The following PCDHGA9 variants were observed in gnomAD, a reference collection of about 807,000 sequenced individuals.
PCDHGA9 encodes protocadherin gamma-A9.
Under a neutral mutation model 62.5 loss-of-function variants are expected in PCDHGA9, and 37 were observed. That is an observed-to-expected ratio of 0.59 (90% CI 0.46 to 0.78). PCDHGA9 has a LOEUF of 0.78. Ranked by LOEUF, PCDHGA9 falls within the 30% of genes least tolerant of loss-of-function variation. PCDHGA9 has a pLI of 0.00. For missense variants in PCDHGA9, 1,138 were observed against 1,166.2 expected, an observed-to-expected ratio of 0.98 and a Z score of 0.35; for synonymous variants, 459 against 484.6, an observed-to-expected ratio of 0.95 and a Z score of 0.69.
intron 1 of PCDHGA9, among the ~76,000 whole-genome samples, chr5:141,430,341 C>T (rs766664177): frequency 1.4e-4 from 21 of 149,938 alleles, no homozygotes; most frequent in Non-Finnish European, 2.8e-4. Context: ...TAGAAACTTC[C>T]AATTCATTTA....
intron 1 of PCDHGA9, chr5:141,430,944 G>T: frequency 1.2e-6 from 2 of 1,609,214 alleles, no homozygotes; most frequent in Non-Finnish European, 1.7e-6. Flanking sequence ...CTCGCGGAGC[G>T]CGGAGTCCGC....
At chr5:141,435,730 T>C (rs913229799) in intron 1 of PCDHGA9, among the ~76,000 whole-genome samples, 1 of 152,226 alleles carries the variant, frequency 6.6e-6, no homozygotes, top group African/African-American at 2.4e-5. Context: ...TAAAGTGTAT[T>C]ACTCTTTGAA....
Position 141,505,409 on chromosome 5 carries a change from G to T in PCDHGA9, c.2500G>T (p.Asp834Tyr). The change falls in exon 3 of 4, where the codon GAC (aspartate) becomes TAC (tyrosine). Residue 834 changes from aspartate to tyrosine, a missense_variant. Asp to Tyr is a radical substitution (Grantham distance 160). Transcript: ENST00000573521. ...PGTSGSQNGD[D>Y]TGTWPNNQFD... Reference sequence around the variant, plus strand: ...TCTCCCCAGCTCCCAAAATGGCGATGACACCGGCACCTGGCCCAACAACCA... The same window carrying T: ...TCTCCCCAGCTCCCAAAATGGCGATTACACCGGCACCTGGCCCAACAACCA... 6.2e-7 allele frequency: 1 copy of T among 1,614,200 alleles called. No individual in the cohort carries two copies. Among genetic ancestry groups the T allele is most frequent in the Non-Finnish European group, 8.5e-7 (1 of 1,180,048 alleles).
chr5:141,419,316 G>C (rs775328616), intron 1 of PCDHGA9: 2 of 1,613,876 alleles, frequency 1.2e-6, no homozygotes, highest in African/African-American at 1.3e-5. Flanking sequence ...CTCAACGGCC[G>C]TGTCTCCTAC....
intron 1 of PCDHGA9, chr5:141,421,126 T>G: frequency 1.2e-6 from 1 of 805,588 alleles, no homozygotes; most frequent in Non-Finnish European, 1.9e-6. Context: ...CTTCGCTTTC[T>G]GATATATTTT....
In PCDHGA9 at chr5:141,403,868, A is replaced by T. The variant is rs2094463706; in HGVS notation, c.916A>T (p.Ser306Cys). Residue 306 changes from serine (S) to cysteine (C), a missense_variant, in exon 1 of 4, where the codon AGT (serine) becomes TGT (cysteine). Ser to Cys is a moderately radical substitution (Grantham distance 112). Coordinates refer to ENST00000573521, the MANE Select transcript of PCDHGA9 (RefSeq NM_018921.3). ...TACTGGGGAAATATCAACAGCAAAA[A>T]GTCTAGATTATGAAGAATGTTCATT... ...ENTGEISTAK[S>C]LDYEECSFYE... 1.2e-6 allele frequency: 2 copies of T among 1,613,752 alleles called. No homozygotes were observed. Among genetic ancestry groups the T allele is most frequent in the Non-Finnish European group, 1.7e-6 (2 of 1,179,850 alleles).
Position 141,486,494 on chromosome 5 carries a change from A to G in PCDHGA9, c.2425-8313A>G, listed in dbSNP as rs375607204. 9.3e-6 allele frequency: 15 copies of G among 1,614,058 alleles called. No individual in the cohort carries two copies. The highest frequency in any genetic ancestry group is 1.3e-5 in the Non-Finnish European group (15 of 1,179,958). ...CCCTCCTCTCAGTACCCACAGAACT[A>G]TTTTCCTCAATATTTCAGATGTGAA... On this transcript the variant is annotated intron_variant, in intron 1 of 3. Transcript: ENST00000573521. The surrounding 1 kb of genome is among the most constrained non-coding windows in gnomAD (Gnocchi z 5.0).
chr5:141,472,564 A>G (rs1471933375), intron 1 of PCDHGA9, among the ~76,000 whole-genome samples: 6 of 152,050 alleles, frequency 3.9e-5, no homozygotes, highest in Admixed American at 2.6e-4. Context: ...TATATTATAA[A>G]TGCTGCATCT....
chr5:141,409,256 C>G (rs1212394349), intron 1 of PCDHGA9: 2 of 1,613,918 alleles, frequency 1.2e-6, no homozygotes, highest in African/African-American at 2.7e-5. Context: ...CATCACTTCT[C>G]TCTCTGATCA....
At chr5:141,415,729 T>A in intron 1 of PCDHGA9, 1 of 1,442,780 alleles carries the variant, frequency 6.9e-7, no homozygotes, top group Non-Finnish European at 9.1e-7. Flanking sequence ...TAGAATTTGA[T>A]GTTTATTAAG....
chr5:141,499,682 C>T, intron 2 of PCDHGA9, among the ~76,000 whole-genome samples: 1 of 148,196 alleles, frequency 6.7e-6, no homozygotes, highest in South Asian at 2.1e-4. Flanking sequence ...CCATCTTTAA[C>T]AGATGACTTT....
At chr5:141,494,979 T>C in intron 2 of PCDHGA9, 114 bp downstream of exon 2, 1 of 1,571,464 alleles carries the variant, frequency 6.4e-7, no homozygotes, top group Admixed American at 1.8e-5. Flanking sequence ...TCCCTCAGTT[T>C]GAGATCCCAG....
chr5:141,489,713 A>G lies in PCDHGA9; in HGVS notation c.2425-5094A>G. On this transcript the variant is annotated intron_variant, in intron 1 of 3. Coordinates refer to ENST00000573521, the MANE Select transcript of PCDHGA9 (RefSeq NM_018921.3). The surrounding 1 kb of genome is among the most constrained non-coding windows in gnomAD (Gnocchi z 4.5). The stretch of plus-strand genomic sequence containing the variant: ...GCACGATTCCCACTGGACAGTGCCC[A>G]GGATCCGGATGTGGGCACCAATACT... 1.9e-6 allele frequency: 3 copies of G among 1,614,162 alleles called. No individual in the cohort carries two copies. The highest frequency in any genetic ancestry group is 2.5e-6 in the Non-Finnish European group (3 of 1,179,968).
chr5:141,435,026 C>A (rs977017371), intron 1 of PCDHGA9, among the ~76,000 whole-genome samples: 4 of 151,978 alleles, frequency 2.6e-5, no homozygotes, highest in Non-Finnish European at 5.9e-5. Context: ...GCTCTTTTCC[C>A]ACTTTTATTT....
At chr5:141,478,236 T>C (rs2099440813) in intron 1 of PCDHGA9, 3 of 1,614,156 alleles carry the variant, frequency 1.9e-6, no homozygotes, top group Non-Finnish European at 2.5e-6. Flanking sequence ...GGGTTTGTGG[T>C]CACAGTGTTC....
At chr5:141,501,326 CACACA>C (rs2099807944) in intron 2 of PCDHGA9, among the ~76,000 whole-genome samples, 1 of 151,784 alleles carries the variant, frequency 6.6e-6, no homozygotes, top group Non-Finnish European at 1.5e-5. Flanking sequence ...CACACACACA[CACACA>C]CACCCCAAAC....
At chr5:141,447,576 A>G (rs758449068) in intron 1 of PCDHGA9, among the ~76,000 whole-genome samples, 6 of 152,214 alleles carry the variant, frequency 3.9e-5, no homozygotes, top group African/African-American at 7.2e-5. Context: ...CTATGTCCAC[A>G]CATACCTTAA....
At chr5:141,444,626 A>G (rs542390437) in intron 1 of PCDHGA9, among the ~76,000 whole-genome samples, 74 of 152,288 alleles carry the variant, frequency 4.9e-4, no homozygotes, top group African/African-American at 1.7e-3. Flanking sequence ...GGCATGATGC[A>G]CCAGTTCATT....
intron 1 of PCDHGA9, chr5:141,418,604 G>C: frequency 6.2e-7 from 1 of 1,614,040 alleles, no homozygotes; most frequent in African/African-American, 1.3e-5. Context: ...CGTGTACAGG[G>C]TTAGCCTTCG....
Sources: gnomAD v4.1 joint callset for allele counts (sites outside exome capture counted in the v4.1 genomes callset) on GRCh38, gnomAD v4.1.1 for gene constraint, Gnocchi (gnomAD v3.1) non-coding constraint, MANE v1.5 for transcripts, NCBI Gene and HGNC (gene_info 2026-07-23, HGNC 2026-07-21) for gene names.